Variants in PAK2 observed in about 807,000 individuals in gnomAD.
PAK2 encodes serine/threonine-protein kinase PAK 2.
A neutral mutation model predicts 65.9 loss-of-function variants in PAK2; 21 were observed. The ratio of observed to expected loss-of-function variants is 0.32; its 90% CI spans 0.23 to 0.46. PAK2 has a LOEUF of 0.46. Among genes scored for constraint, PAK2 ranks in the 20% least tolerant of loss-of-function variants. The probability of loss-of-function intolerance (pLI) is 1.00; values close to 1 mark genes in which losing one functional copy is unlikely to be tolerated. For missense variants in PAK2, 324 were observed against 642.6 expected, an observed-to-expected ratio of 0.50 and a Z score of 5.36; for synonymous variants, 204 against 219.7, an observed-to-expected ratio of 0.93 and a Z score of 0.63.
intron 1 of PAK2, among the ~76,000 whole-genome samples, chr3:196,757,901 T>C (rs964364152): frequency 6.6e-6 from 1 of 152,168 alleles, no homozygotes; most frequent in African/African-American, 2.4e-5. Flanking sequence ...TCTGGGTCAG[T>C]TTTATTGGTT....
intron 2 of PAK2, among the ~76,000 whole-genome samples, chr3:196,789,144 G>A (rs1714988472): frequency 6.6e-6 from 1 of 152,192 alleles, no homozygotes; most frequent in Non-Finnish European, 1.5e-5. Flanking sequence ...TTTTGCTGTA[G>A]CCCAAGTGAG....
At chr3:196,814,863 T>C (rs1474817400) in intron 11 of PAK2, among the ~76,000 whole-genome samples, 1 of 151,990 alleles carries the variant, frequency 6.6e-6, no homozygotes, top group Non-Finnish European at 1.5e-5. Context: ...CTTTTGAGAG[T>C]AAAAGGGTAT....
intron 2 of PAK2, among the ~76,000 whole-genome samples, chr3:196,794,535 G>A (rs903501084): frequency 1.3e-5 from 2 of 152,224 alleles, no homozygotes; most frequent in African/African-American, 4.8e-5. Flanking sequence ...AGGAAAAAGT[G>A]AGATTGAAGA....
chr3:196,824,013 A>G (rs932822893), intron 13 of PAK2, among the ~76,000 whole-genome samples: 8 of 151,974 alleles, frequency 5.3e-5, no homozygotes, highest in Admixed American at 3.9e-4. Flanking sequence ...GTGTTCAGAA[A>G]CAAGCAGGTT....
chr3:196,770,201 G>A (rs1714318031), intron 1 of PAK2, among the ~76,000 whole-genome samples: 1 of 152,056 alleles, frequency 6.6e-6, no homozygotes, highest in African/African-American at 2.4e-5. Context: ...AGACCGCAGT[G>A]AGGTCTGATC....
chr3:196,742,219 G>A (rs952621289), intron 1 of PAK2, among the ~76,000 whole-genome samples: 1 of 150,968 alleles, frequency 6.6e-6, no homozygotes, highest in Non-Finnish European at 1.5e-5. Flanking sequence ...CTGCTGAGTA[G>A]CTGGGATTAC....
Position 196,812,847 on chromosome 3 carries a change from G to C in PAK2, c.931G>C (p.Asp311His). 7.3e-7 allele frequency: 1 copy of C among 1,365,500 alleles called. No homozygotes were observed. The highest frequency in any genetic ancestry group is 1.0e-6 in the Non-Finnish European group (1 of 955,240). 84.6% of individuals were successfully genotyped at this position (1,365,500 alleles called of 1,614,324 possible). The part of the protein sequence containing the change: ...LKNPNIVNFL[D>H]SYLVGDELFV... ...AAATCCCAACATCGTTAACTTTTTGGACAGGTAAGTATGACTATTCCTTAA... is the reference window on the plus strand; with the variant it reads ...AAATCCCAACATCGTTAACTTTTTGCACAGGTAAGTATGACTATTCCTTAA... Residue 311 changes from aspartate to histidine, a missense_variant, in exon 10 of 15, where the codon GAC (aspartate) becomes CAC (histidine). Physicochemically the swap from Asp to His is moderately conservative, Grantham distance 81. Coordinates refer to ENST00000327134, the MANE Select transcript of PAK2 (RefSeq NM_002577.4).
chr3:196,826,407 C>T (rs1047534829), intron 13 of PAK2, among the ~76,000 whole-genome samples: 2 of 151,312 alleles, frequency 1.3e-5, no homozygotes, highest in East Asian at 1.9e-4. Context: ...CTCCTGACCT[C>T]GTGACCGGCC....
chr3:196,792,640 C>G (rs1343313794), intron 2 of PAK2, among the ~76,000 whole-genome samples: 2 of 152,112 alleles, frequency 1.3e-5, no homozygotes, highest in African/African-American at 4.8e-5. Context: ...CAAAGAAGAG[C>G]ATACGGTAAC....
At chr3:196,771,581 A>G (rs60941442) in intron 1 of PAK2, among the ~76,000 whole-genome samples, 3,497 of 151,952 alleles carry the variant, frequency 0.023, 176 homozygotes, top group African/African-American at 0.079. Context: ...TTTTTTTGAG[A>G]CAGAGTCTTG....
chr3:196,788,697 CTAA>C (rs1714974779), intron 2 of PAK2, among the ~76,000 whole-genome samples: 1 of 152,110 alleles, frequency 6.6e-6, no homozygotes, highest in Non-Finnish European at 1.5e-5. Flanking sequence ...GGAAGGCTTC[CTAA>C]GGAGGTCATA....
At chr3:196,814,666 G>A in intron 11 of PAK2, 98 bp downstream of exon 11, 3 of 701,604 alleles carry the variant, frequency 4.3e-6, no homozygotes. Flanking sequence ...TATTGTGGGA[G>A]GTGCTTTCTC....
At chr3:196,794,894 T>C (rs749346267) in intron 2 of PAK2, among the ~76,000 whole-genome samples, 1 of 152,156 alleles carries the variant, frequency 6.6e-6, no homozygotes, top group Non-Finnish European at 1.5e-5. Flanking sequence ...CCTGGGCTTA[T>C]GGTGCCATTT....
At position 196,746,434 on chromosome 3, in the gene PAK2, C is replaced by T. The variant is rs138378907; in HGVS notation, c.-22+6277C>T. On this transcript the variant is annotated intron_variant, in intron 1 of 14. Coordinates refer to ENST00000327134, the MANE Select transcript of PAK2 (RefSeq NM_002577.4). ...ATCAAAGGTATCACAAGGTATATAT[C>T]GTGAATAACCAAAATCCCACTCATA... is the stretch of plus-strand genomic sequence containing the variant. Among the ~76,000 whole-genome samples, 1,359 of 152,108 alleles carry T rather than the reference C, an allele frequency of 8.9e-3. 27 individuals carry two copies. Among genetic ancestry groups the T allele is most frequent in the African/African-American group, 0.03 (1,240 of 41,480 alleles).
chr3:196,827,160 A>C, intron 13 of PAK2, 36 bp from the exon 14 acceptor site: 1 of 1,496,246 alleles, frequency 6.7e-7, no homozygotes, highest in Non-Finnish European at 9.2e-7. Context: ...GTGTTGAGCT[A>C]TCTTAAGTGG....
At chr3:196,752,811 C>G (rs1338876816) in intron 1 of PAK2, among the ~76,000 whole-genome samples, 1 of 150,020 alleles carries the variant, frequency 6.7e-6, no homozygotes, top group Non-Finnish European at 1.5e-5. Context: ...GTGTTGGTCT[C>G]AAACTCCTGG....
At chr3:196,819,834 G>T (rs564434045) in intron 12 of PAK2, among the ~76,000 whole-genome samples, 9 of 152,186 alleles carry the variant, frequency 5.9e-5, no homozygotes, top group African/African-American at 2.2e-4. Flanking sequence ...GCTTCTGTTT[G>T]TTTTATTCAA....
chr3:196,832,158 A>G lies in PAK2; in HGVS notation c.*3753A>G, dbSNP rs1712112319. On this transcript the variant is annotated 3_prime_UTR_variant, in exon 15 of 15. Coordinates refer to ENST00000327134, the MANE Select transcript of PAK2 (RefSeq NM_002577.4). Reference sequence around the variant, plus strand: ...GAAAGCTGCCAAGACAGAGGCAGAAAGAAATGGATGATAGTTCTGTCAAGC... The same window carrying G: ...GAAAGCTGCCAAGACAGAGGCAGAAGGAAATGGATGATAGTTCTGTCAAGC... 1 of 152,250 alleles carries G rather than the reference A, an allele frequency of 6.6e-6. No individual in the cohort carries two copies. Among genetic ancestry groups the G allele is most frequent in the Admixed American group, 6.5e-5 (1 of 15,284 alleles). The allele number at this position is 152,250 out of a possible 1,614,324, so 9.4% of individuals were successfully genotyped here.
Position 196,827,249 on chromosome 3 carries a change from A to G in PAK2, c.1404A>G (p.Lys468=), listed in dbSNP as rs775151420. The change falls in exon 14 of 15, where the codon AAA becomes AAG. Residue 468 remains lysine (K), a synonymous_variant. Coordinates refer to ENST00000327134, the MANE Select transcript of PAK2 (RefSeq NM_002577.4). ...NGTPELQNPE[K]LSPIFRDFLN... ...CCCCAGAACTTCAGAATCCAGAGAA[A>G]CTTTCCCCAATATTTCGGGATTTCT... is the stretch of plus-strand genomic sequence containing the variant. 6.8e-6 allele frequency: 11 copies of G among 1,611,290 alleles called. No individual in the cohort carries two copies. In the South Asian group the frequency reaches 1.2e-4, roughly 18 times the overall value.
Sources: allele counts gnomAD v4.1 joint callset (sites outside exome capture counted in the v4.1 genomes callset), GRCh38; gene constraint gnomAD v4.1.1; transcripts MANE v1.5; gene names NCBI Gene and HGNC (gene_info 2026-07-23, HGNC 2026-07-21).